The following EHBP1 variants were observed in gnomAD, a reference collection of about 807,000 sequenced individuals.
EHBP1 encodes the protein EH domain-binding protein 1.
Under a neutral mutation model 144.0 loss-of-function variants are expected in EHBP1, and 55 were observed. That is an observed-to-expected ratio of 0.38 (90% CI 0.31 to 0.48). The LOEUF is 0.48. Among genes scored for constraint, EHBP1 ranks in the 20% least tolerant of loss-of-function variants. The probability of loss-of-function intolerance (pLI) is 0.98; values close to 1 mark genes in which losing one functional copy is unlikely to be tolerated. For synonymous variants in EHBP1, 469 were observed against 472.7 expected (o/e 0.99, Z 0.10); for missense variants, 1,200 against 1,364.2 (o/e 0.88, Z 1.90).
At chr2:62,803,489 A>G (rs1289788563) in intron 5 of EHBP1, among the ~76,000 whole-genome samples, 2 of 152,186 alleles carry the variant, frequency 1.3e-5, no homozygotes, top group Non-Finnish European at 2.9e-5. Flanking sequence ...ATGGGTGAAA[A>G]TGCTATCTAA....
intron 3 of EHBP1, among the ~76,000 whole-genome samples, chr2:62,753,873 T>G (rs1037091287): frequency 4.6e-5 from 7 of 152,210 alleles, no homozygotes; most frequent in African/African-American, 7.2e-5. Context: ...TCTACACTGG[T>G]TATTCTAGTT....
chr2:62,835,758 A>G (rs142800873), intron 7 of EHBP1, among the ~76,000 whole-genome samples: 2,687 of 151,954 alleles, frequency 0.018, 80 homozygotes, highest in African/African-American at 0.062. Context: ...CGGGTCACTC[A>G]CACCCAAATA....
chr2:62,812,920 A>G (rs1405049213), intron 5 of EHBP1, among the ~76,000 whole-genome samples: 5 of 152,194 alleles, frequency 3.3e-5, no homozygotes, highest in South Asian at 4.1e-4. Context: ...AGAGCAAACT[A>G]AGAGTTTAGC....
chr2:62,989,421 G>GA (rs1181148046), intron 15 of EHBP1, among the ~76,000 whole-genome samples: 2 of 151,990 alleles, frequency 1.3e-5, no homozygotes, highest in Non-Finnish European at 2.9e-5. Flanking sequence ...AGTAACACAG[G>GA]AAAAAATAGC....
chr2:62,717,131 G>A lies in EHBP1; in HGVS notation c.104+9836G>A, dbSNP rs557753807. 1.1e-4 allele frequency among the ~76,000 whole-genome samples: 17 copies of A among 152,090 alleles called. No homozygotes were observed. The South Asian group carries it at 2.3e-3, about 20-fold the overall frequency. On this transcript the variant is annotated intron_variant, in intron 2 of 22. Transcript: ENST00000431489. ...AAAGAAATGAACCTAGGATCTTTTCGTAGTGTGTAATTTTCATACATTATT... is the reference window on the plus strand; with the variant it reads ...AAAGAAATGAACCTAGGATCTTTTCATAGTGTGTAATTTTCATACATTATT...
chr2:62,819,448 A>G (rs1364927870), intron 5 of EHBP1, among the ~76,000 whole-genome samples: 1 of 152,184 alleles, frequency 6.6e-6, no homozygotes, highest in African/African-American at 2.4e-5. Flanking sequence ...AATATTTGTA[A>G]CAGCTTTGTT....
intron 13 of EHBP1, among the ~76,000 whole-genome samples, chr2:62,955,026 T>C (rs1465136294): frequency 1.3e-5 from 2 of 152,090 alleles, no homozygotes; most frequent in Non-Finnish European, 2.9e-5. Context: ...TTTACTTTTT[T>C]TTAATGAAAT....
chr2:62,984,805 C>T (rs907373406), intron 15 of EHBP1, among the ~76,000 whole-genome samples: 2 of 152,132 alleles, frequency 1.3e-5, no homozygotes, highest in African/African-American at 4.8e-5. Flanking sequence ...TTAACCCACT[C>T]AGCATTACTG....
At chr2:62,706,816 T>C (rs2034634337) in intron 1 of EHBP1, 81 bp from the exon 2 acceptor site, 1 of 196,524 alleles carries the variant, frequency 5.1e-6, no homozygotes, top group Non-Finnish European at 1.1e-5. Context: ...TTTTGCAGCG[T>C]TATTTAACAT....
At position 62,880,243 on chromosome 2, in the gene EHBP1, C is replaced by G. The variant is rs901411976; in HGVS notation, c.1185+5711C>G. On this transcript the variant is annotated intron_variant, in intron 10 of 22. Coordinates refer to ENST00000431489, the MANE Select transcript of EHBP1 (RefSeq NM_001142616.3). ...TGCATTAAAGACTTAAATGTAAAAC[C>G]TAAAACTATAAAATTATAACCCTAG... 2.6e-5 allele frequency among the ~76,000 whole-genome samples: 4 copies of G among 151,546 alleles called. No individual in the cohort carries two copies. In the South Asian group the frequency reaches 8.3e-4, roughly 32 times the overall value.
At chr2:62,913,435 A>G (rs1040392805) in intron 10 of EHBP1, among the ~76,000 whole-genome samples, 3 of 152,198 alleles carry the variant, frequency 2.0e-5, no homozygotes, top group African/African-American at 7.2e-5. Context: ...AGAGACCACA[A>G]AAAAGGGACT....
chr2:62,706,130 G>T, intron 1 of EHBP1, 78 bp downstream of exon 1: 1 of 154,214 alleles, frequency 6.5e-6, no homozygotes, highest in South Asian at 1.8e-4. Context: ...GGTATCGCCT[G>T]GGTGACAGGG....
intron 9 of EHBP1, among the ~76,000 whole-genome samples, chr2:62,869,841 TAGC>T (rs1272428028): frequency 2.6e-5 from 4 of 152,244 alleles, no homozygotes; most frequent in Non-Finnish European, 5.9e-5. Flanking sequence ...TTAACTTTAA[TAGC>T]AGAAATATTA....
At chr2:62,732,690 C>A (rs1317530978) in intron 2 of EHBP1, among the ~76,000 whole-genome samples, 1 of 152,202 alleles carries the variant, frequency 6.6e-6, no homozygotes, top group Non-Finnish European at 1.5e-5. Flanking sequence ...TCCTGTAAAG[C>A]CTGTGGAACC....
intron 7 of EHBP1, among the ~76,000 whole-genome samples, chr2:62,850,746 C>T (rs564662806): frequency 6.6e-6 from 1 of 152,054 alleles, no homozygotes; most frequent in African/African-American, 2.4e-5. Flanking sequence ...AAAAACTTCC[C>T]ATTAAAAAAA....
intron 1 of EHBP1, among the ~76,000 whole-genome samples, chr2:62,689,694 T>A (rs960116805): frequency 6.6e-6 from 1 of 152,138 alleles, no homozygotes; most frequent in Non-Finnish European, 1.5e-5. Flanking sequence ...ATTTTAAAAA[T>A]TGTGTCTATT....
intron 3 of EHBP1, among the ~76,000 whole-genome samples, chr2:62,753,311 A>G (rs1449851097): frequency 1.3e-5 from 2 of 152,106 alleles, no homozygotes; most frequent in South Asian, 2.1e-4. Flanking sequence ...CTTTTCTTTA[A>G]GAATGTTGAA....
At position 62,874,383 on chromosome 2, in the gene EHBP1, C is replaced by T. The variant is rs1489943591; in HGVS notation, c.1036C>T (p.Pro346Ser). Reference protein sequence around the residue: ...PFYEPKSTPPPNNLVNPVQEL... With the variant: ...PFYEPKSTPPSNNLVNPVQEL... ...TTATGAACCTAAATCAACTCCTCCT[C>T]CAAATAATTTGGTAAATCCTGTTCA... Residue 346 changes from proline to serine, a missense_variant, in exon 10 of 23, where the codon CCA (proline) becomes TCA (serine). By Grantham distance (74) the Pro-to-Ser change is moderately conservative (BLOSUM62 -1). Around this residue, in one of 6 missense-constraint regions of EHBP1, gnomAD observed 266 missense variants for 262.4 expected, o/e 1.01. Coordinates refer to ENST00000431489, the MANE Select transcript of EHBP1 (RefSeq NM_001142616.3). The T allele has an allele frequency of 1.9e-6, 3 of 1,608,118 alleles. No individual in the cohort carries two copies. Among genetic ancestry groups the T allele is most frequent in the Non-Finnish European group, 2.5e-6 (3 of 1,177,360 alleles).
chr2:62,877,186 A>G (rs1246215055), intron 10 of EHBP1, among the ~76,000 whole-genome samples: 1 of 152,174 alleles, frequency 6.6e-6, no homozygotes, highest in East Asian at 1.9e-4. Context: ...CAGAAAACAA[A>G]AAAGAGGAGG....
Sources: gnomAD v4.1 joint callset for allele counts (sites outside exome capture counted in the v4.1 genomes callset) on GRCh38, gnomAD v4.1.1 for gene constraint, gnomAD v4.1.1 regional missense constraint, MANE v1.5 for transcripts, NCBI Gene and HGNC (gene_info 2026-07-23, HGNC 2026-07-21) for gene names.